The following ICMT variants were observed in gnomAD, a reference collection of about 807,000 sequenced individuals.
ICMT encodes protein-S-isoprenylcysteine O-methyltransferase.
A neutral mutation model predicts 32.2 loss-of-function variants in ICMT; 10 were observed. The observed-to-expected ratio is 0.31, with a 90% CI of 0.19 to 0.53. The LOEUF (loss-of-function observed/expected upper bound fraction) is 0.53. Ranked by LOEUF, ICMT falls within the 20% of genes least tolerant of loss-of-function variation. The probability of loss-of-function intolerance (pLI) is 0.96; values close to 1 mark genes in which losing one functional copy is unlikely to be tolerated. For synonymous variants in ICMT, 183 were observed against 158.2 expected, an observed-to-expected ratio of 1.16 and a Z score of -1.18; for missense variants, 265 against 356.9, an observed-to-expected ratio of 0.74 and a Z score of 2.07.
chr1:6,232,269 C>T, intron 3 of ICMT, 150 bp from the exon 4 acceptor site: 1 of 602,542 alleles, frequency 1.7e-6, no homozygotes, highest in African/African-American at 1.8e-5. Flanking sequence ...ATTAAAATTT[C>T]ATAAGAAAAC....
chr1:6,230,484 G>C (rs530663054), intron 4 of ICMT, among the ~76,000 whole-genome samples: 1 of 151,788 alleles, frequency 6.6e-6, no homozygotes, highest in African/African-American at 2.4e-5. Flanking sequence ...TACTTGGGAG[G>C]CTGAGGTAGG....
Position 6,223,924 on chromosome 1 carries a change from ATG to A in ICMT, c.*1154_*1155del, listed in dbSNP as rs529299771. 2 of 152,244 alleles carry A rather than the reference ATG, an allele frequency of 1.3e-5. No individual in the cohort carries two copies. The highest frequency in any genetic ancestry group is 2.4e-5 in the African/African-American group (1 of 41,454). 9.4% of individuals were successfully genotyped at this position (152,244 alleles called of 1,614,324 possible). ...CAGCGTCTCACCTCTTAAAGCTTCG[ATG>A]TGTGACTCAAAGCCAACTTACTCTC... On this transcript the variant is annotated 3_prime_UTR_variant, in exon 5 of 5. Coordinates refer to ENST00000343813, the MANE Select transcript of ICMT (RefSeq NM_012405.4).
intron 4 of ICMT, among the ~76,000 whole-genome samples, chr1:6,231,687 A>T (rs12407921): frequency 0.096 from 14,574 of 152,270 alleles, 947 homozygotes; most frequent in Middle Eastern, 0.21. Flanking sequence ...ATTAAGGACT[A>T]CATTAGTTCT....
At chr1:6,226,953 G>A (rs996062606) in intron 4 of ICMT, among the ~76,000 whole-genome samples, 7 of 152,196 alleles carry the variant, frequency 4.6e-5, no homozygotes, top group Non-Finnish European at 7.3e-5. Context: ...CAGTGACTCC[G>A]GGGCCTGTAC....
Position 6,224,146 on chromosome 1 carries a change from G to A in ICMT, c.*934C>T, listed in dbSNP as rs570282235. The A allele has an allele frequency of 6.6e-6, 1 of 152,316 alleles. No individual in the cohort carries two copies. Among genetic ancestry groups the A allele is most frequent in the African/African-American group, 2.4e-5 (1 of 41,560 alleles). 9.4% of individuals were successfully genotyped at this position (152,316 alleles called of 1,614,324 possible). A position where few individuals can be genotyped will look rare whatever the true frequency, so the allele number is the denominator to read the frequency against. On this transcript the variant is annotated 3_prime_UTR_variant, in exon 5 of 5. Coordinates refer to ENST00000343813, the MANE Select transcript of ICMT (RefSeq NM_012405.4). ...ACAGAAAACAAGAGTTCTGAGACTG[G>A]CATTGAAATTGAGAATATAAGCTAT...
rs547210366 is a variant in ICMT at position 6,235,347 on chromosome 1, C to G, written c.195+370G>C. ...AGGGCTGTAGGAAAACTGCTTAAGC[C>G]TAGTTTATGAGGTCAGGGCACCCGG... On this transcript the variant is annotated intron_variant, in intron 1 of 4. Coordinates refer to ENST00000343813, the MANE Select transcript of ICMT (RefSeq NM_012405.4). Among the ~76,000 whole-genome samples the G allele has an allele frequency of 4.6e-5, 7 of 152,280 alleles. No individual in the cohort carries two copies. The East Asian group carries it at 1.4e-3, about 29-fold the overall frequency.
intron 3 of ICMT, among the ~76,000 whole-genome samples, chr1:6,232,465 G>C (rs1222635793): frequency 2.0e-5 from 3 of 152,178 alleles, no homozygotes; most frequent in Non-Finnish European, 2.9e-5. Context: ...AAGGGTCCAA[G>C]GTTTCCACCC....
intron 4 of ICMT, among the ~76,000 whole-genome samples, chr1:6,227,894 A>C (rs1277862523): frequency 6.6e-6 from 1 of 151,910 alleles, no homozygotes; most frequent in Non-Finnish European, 1.5e-5. Flanking sequence ...TGGGTTGGGC[A>C]TGGTGGATCA....
chr1:6,226,389 C>G (rs989718461), intron 4 of ICMT, among the ~76,000 whole-genome samples: 1 of 151,992 alleles, frequency 6.6e-6, no homozygotes, highest in Non-Finnish European at 1.5e-5. Context: ...GCGAAACTCC[C>G]TCTCAAAAAA....
rs948536043 is a variant in ICMT at position 6,223,248 on chromosome 1, CA to C, written c.*1831del. On this transcript the variant is annotated 3_prime_UTR_variant, in exon 5 of 5. Coordinates refer to ENST00000343813, the MANE Select transcript of ICMT (RefSeq NM_012405.4). ...TCAGCCTCCTGAGTAGCTGGGATTA[CA>C]GGCACCCGCCAGCACGCCCAGCTAT... 3 of 152,232 alleles carry C rather than the reference CA, an allele frequency of 2.0e-5. No homozygotes were observed. Among genetic ancestry groups the C allele is most frequent in the African/African-American group, 7.2e-5 (3 of 41,444 alleles). The allele number at this position is 152,232 out of a possible 1,614,324, so 9.4% of individuals were successfully genotyped here. A position where few individuals can be genotyped will look rare whatever the true frequency, so the allele number is the denominator to read the frequency against.
rs1463350655 is a variant in ICMT, at chr1:6,222,272, A to C, written c.*2808T>G. 6.6e-6 allele frequency: 1 copy of C among 152,078 alleles called. No homozygotes were observed. The highest frequency in any genetic ancestry group is 1.5e-5 in the Non-Finnish European group (1 of 68,060). 9.4% of individuals were successfully genotyped at this position (152,078 alleles called of 1,614,324 possible). A position where few individuals can be genotyped will look rare whatever the true frequency, so the allele number is the denominator to read the frequency against. ...CCCGTCTCTACTAAAAATACAAAAA[A>C]ATTAGCTGGGCATGGTGGCCCAAGC... On this transcript the variant is annotated 3_prime_UTR_variant, in exon 5 of 5. Transcript: ENST00000343813.
chr1:6,232,053 C>A lies in ICMT; in HGVS notation c.521G>T (p.Arg174Met), dbSNP rs1233320808. 2 of 1,614,116 alleles carry A rather than the reference C, an allele frequency of 1.2e-6. No individual in the cohort carries two copies. The highest frequency in any genetic ancestry group is 8.5e-7 in the Non-Finnish European group (1 of 1,180,012). ...GCCAGCTGTAAACATGGCCGCCTTC[C>A]TCAGACATTCTCCGAAGACCACCAT... ...LLMVVFGECL[R>M]KAAMFTAGSN... Residue 174 changes from arginine (R) to methionine (M), a missense_variant, in exon 4 of 5, where the codon AGG becomes ATG. Physicochemically the swap from Arg to Met is moderately conservative, Grantham distance 91. Around this residue, in one of 2 missense-constraint regions of ICMT, gnomAD observed 166 missense variants for 264.3 expected, o/e 0.63. Coordinates refer to ENST00000343813, the MANE Select transcript of ICMT (RefSeq NM_012405.4).
chr1:6,233,696 A>G (rs969063408), intron 2 of ICMT, 53 bp from the exon 3 acceptor site: 38 of 1,482,356 alleles, frequency 2.6e-5, no homozygotes, highest in Admixed American at 8.8e-5. Context: ...CAAGTTAACC[A>G]TAAGTGCACA....
intron 4 of ICMT, among the ~76,000 whole-genome samples, chr1:6,228,832 G>A (rs1017504934): frequency 1.3e-5 from 2 of 151,570 alleles, no homozygotes; most frequent in Non-Finnish European, 2.9e-5. Flanking sequence ...TTTGAGAACC[G>A]CCTGGCCAAC....
rs1668820135 is a variant in ICMT at position 6,235,906 on chromosome 1, C to T, written c.6G>A (p.Ala2=). M[A]GCAARAPPGS... Reference sequence around the variant, plus strand: ...CCGGCGGAGCCCGCGCCGCGCAGCCCGCCATGGCGCCGGGCGGCGGACTAG... The same window carrying T: ...CCGGCGGAGCCCGCGCCGCGCAGCCTGCCATGGCGCCGGGCGGCGGACTAG... The change falls in exon 1 of 5, where the codon GCG becomes GCA. Residue 2 remains alanine, a synonymous_variant. Transcript: ENST00000343813. 1.8e-6 allele frequency: 2 copies of T among 1,117,630 alleles called. No individual in the cohort carries two copies. The highest frequency in any genetic ancestry group is 1.7e-5 in the African/African-American group (1 of 58,898). The allele number at this position is 1,117,630 out of a possible 1,614,324, so 69.2% of individuals were successfully genotyped here.
chr1:6,233,779 C>T, intron 2 of ICMT, 136 bp from the exon 3 acceptor site: 1 of 630,330 alleles, frequency 1.6e-6, no homozygotes, highest in Non-Finnish European at 2.7e-6. Flanking sequence ...CACAGGTACC[C>T]ATCTGCAGCA....
intron 4 of ICMT, among the ~76,000 whole-genome samples, chr1:6,228,864 CTACTAAAAA>C (rs1668685660): frequency 6.7e-6 from 1 of 150,314 alleles, no homozygotes; most frequent in South Asian, 2.1e-4. Flanking sequence ...CCTACTAAAC[CTACTAAAAA>C]TACAAAAAAT....
rs1668552523 is a variant in ICMT, at chr1:6,221,640, A to G, written c.*3440T>C. On this transcript the variant is annotated 3_prime_UTR_variant, in exon 5 of 5. Transcript: ENST00000343813. ...ATCGGCTAACGCAGCTTCCTGGTTT[A>G]GGAACATTTTCCCCGGTCGTATCAA... 6.5e-6 allele frequency: 1 copy of G among 152,696 alleles called. No homozygotes were observed. The highest frequency in any genetic ancestry group is 2.4e-5 in the African/African-American group (1 of 41,476). The allele number at this position is 152,696 out of a possible 1,614,324, so 9.5% of individuals were successfully genotyped here.
At position 6,235,889 on chromosome 1, in the gene ICMT, G is replaced by A. The variant is rs1668819464; in HGVS notation, c.23C>T (p.Ala8Val). 8 of 1,134,218 alleles carry A rather than the reference G, an allele frequency of 7.1e-6. No homozygotes were observed. Among genetic ancestry groups the A allele is most frequent in the Non-Finnish European group, 8.6e-6 (8 of 927,308 alleles). 70.3% of individuals were successfully genotyped at this position (1,134,218 alleles called of 1,614,324 possible). A position where few individuals can be genotyped will look rare whatever the true frequency, so the allele number is the denominator to read the frequency against. MAGCAARAPPGSEARLSL... is the reference protein window; with the variant it reads MAGCAARVPPGSEARLSL... ...GAGACGCGCCTCAGAGCCCGGCGGA[G>A]CCCGCGCCGCGCAGCCCGCCATGGC... Residue 8 changes from alanine to valine, a missense_variant, in exon 1 of 5, where the codon GCT becomes GTT. Ala to Val is a moderately conservative substitution (Grantham distance 64). Transcript: ENST00000343813.
Sources: gnomAD v4.1 joint callset for allele counts (sites outside exome capture counted in the v4.1 genomes callset) on GRCh38, gnomAD v4.1.1 for gene constraint, gnomAD v4.1.1 regional missense constraint, MANE v1.5 for transcripts, NCBI Gene and HGNC (gene_info 2026-07-23, HGNC 2026-07-21) for gene names.